ERC2: variants seen among roughly 807,000 people sequenced by gnomAD.
ERC2 encodes the protein ELKS/RAB6-interacting/CAST family member 2, also known as ERC protein 2.
ERC2 carries 42 observed loss-of-function variants against 114.8 expected under a neutral mutation model. The observed-to-expected ratio is 0.37, with a 90% CI of 0.29 to 0.47. ERC2 has a LOEUF of 0.47. Among genes scored for constraint, ERC2 ranks in the 20% least tolerant of loss-of-function variants. The pLI is 0.99. For missense variants in ERC2, 939 were observed against 1,150.7 expected (o/e 0.82, Z 2.66); for synonymous variants, 454 against 425.5 (o/e 1.07, Z -0.82).
intron 3 of ERC2, among the ~76,000 whole-genome samples, chr3:56,243,181 C>A (rs1484837928): frequency 1.3e-5 from 2 of 152,104 alleles, no homozygotes; most frequent in Non-Finnish European, 2.9e-5. Context: ...CTTTTACCAC[C>A]TAGCAGTAAT....
intron 6 of ERC2, among the ~76,000 whole-genome samples, chr3:56,136,421 CTTT>C (rs59098775): frequency 1.4e-4 from 21 of 145,796 alleles, no homozygotes; most frequent in Non-Finnish European, 2.4e-4. Context: ...AGCACCATAT[CTTT>C]TTTTTTTTTA....
intron 17 of ERC2, among the ~76,000 whole-genome samples, chr3:55,573,137 T>C (rs1385810586): frequency 6.6e-6 from 1 of 152,220 alleles, no homozygotes; most frequent in Non-Finnish European, 1.5e-5. Context: ...TTCTGGTATG[T>C]TATGGAATGA....
At chr3:55,547,079 A>ATTT (rs958251496) in intron 17 of ERC2, among the ~76,000 whole-genome samples, 35 of 152,354 alleles carry the variant, frequency 2.3e-4, no homozygotes, top group African/African-American at 8.4e-4. Context: ...GAATGGTAAT[A>ATTT]GCGTATCTCT....
chr3:55,696,321 C>A (rs1035540494), intron 16 of ERC2, among the ~76,000 whole-genome samples: 2 of 152,170 alleles, frequency 1.3e-5, no homozygotes, highest in Non-Finnish European at 2.9e-5. Flanking sequence ...CATTTTGTAG[C>A]CCTTCTTCCA....
At chr3:55,936,654 C>T (rs1444542855) in intron 13 of ERC2, among the ~76,000 whole-genome samples, 1 of 152,076 alleles carries the variant, frequency 6.6e-6, no homozygotes, top group African/African-American at 2.4e-5. Flanking sequence ...CAGCTTGTTC[C>T]AAGGGCAGGG....
intron 15 of ERC2, among the ~76,000 whole-genome samples, chr3:55,733,890 C>T (rs897374045): frequency 6.6e-6 from 1 of 152,284 alleles, no homozygotes; most frequent in Non-Finnish European, 1.5e-5. Flanking sequence ...ATGTGGTAGC[C>T]ACTCTGCAAG....
At chr3:55,705,209 G>A (rs181538084) in intron 15 of ERC2, among the ~76,000 whole-genome samples, 3 of 152,296 alleles carry the variant, frequency 2.0e-5, no homozygotes, top group Admixed American at 2.0e-4. Context: ...CCCTCCAGCT[G>A]AGGGCAGAGG....
chr3:56,416,407 C>A (rs533022567), intron 2 of ERC2, among the ~76,000 whole-genome samples: 1 of 152,072 alleles, frequency 6.6e-6, no homozygotes, highest in Non-Finnish European at 1.5e-5. Context: ...CTATGTCACA[C>A]AAAGAAGGCA....
chr3:56,151,802 G>T (rs1410494131), intron 4 of ERC2, among the ~76,000 whole-genome samples: 1 of 152,084 alleles, frequency 6.6e-6, no homozygotes, highest in African/African-American at 2.4e-5. Context: ...AATGCACATG[G>T]CTCAGAAACT....
intron 2 of ERC2, among the ~76,000 whole-genome samples, chr3:56,326,390 CT>C (rs1050339632): frequency 6.6e-6 from 1 of 152,092 alleles, no homozygotes. Context: ...CAAACCCCAG[CT>C]TTTTTTTCTC....
At chr3:56,252,521 G>A (rs972144991) in intron 3 of ERC2, among the ~76,000 whole-genome samples, 1 of 152,072 alleles carries the variant, frequency 6.6e-6, no homozygotes, top group African/African-American at 2.4e-5. Flanking sequence ...TTGGGAGGCC[G>A]AGGTGGGCAG....
chr3:55,848,879 G>T (rs932667057), intron 14 of ERC2, among the ~76,000 whole-genome samples: 1 of 152,176 alleles, frequency 6.6e-6, no homozygotes, highest in African/African-American at 2.4e-5. Flanking sequence ...TTCTAAGTGT[G>T]CCCACATCTT....
chr3:56,360,061 CT>C (rs5849149), intron 2 of ERC2, among the ~76,000 whole-genome samples: 756 of 99,126 alleles, frequency 7.6e-3, no homozygotes, highest in African/African-American at 0.027. Flanking sequence ...TAACAAAAAT[CT>C]TTTTTTTTTT....
At chr3:56,326,092 C>T (rs1352671357) in intron 2 of ERC2, among the ~76,000 whole-genome samples, 1 of 152,214 alleles carries the variant, frequency 6.6e-6, no homozygotes, top group African/African-American at 2.4e-5. Flanking sequence ...ACTCTCACCC[C>T]TGGCCTGGCT....
intron 14 of ERC2, among the ~76,000 whole-genome samples, chr3:55,862,960 C>T (rs984342198): frequency 2.0e-5 from 3 of 152,152 alleles, no homozygotes; most frequent in African/African-American, 4.8e-5. Context: ...CTAAGAAGCA[C>T]TGACAAGAGG....
At chr3:55,931,727 T>C (rs1435050723) in intron 13 of ERC2, among the ~76,000 whole-genome samples, 1 of 151,938 alleles carries the variant, frequency 6.6e-6, no homozygotes, top group Non-Finnish European at 1.5e-5. Context: ...GTTCTGCACA[T>C]GTATCCCAGA....
intron 15 of ERC2, among the ~76,000 whole-genome samples, chr3:55,709,921 T>C (rs1290768957): frequency 6.6e-6 from 1 of 152,172 alleles, no homozygotes; most frequent in Non-Finnish European, 1.5e-5. Context: ...TCTCCCCAGC[T>C]GGTCTCACGC....
At chr3:56,334,627 C>G (rs915544307) in intron 2 of ERC2, among the ~76,000 whole-genome samples, 8 of 152,054 alleles carry the variant, frequency 5.3e-5, no homozygotes, top group African/African-American at 1.9e-4. Flanking sequence ...TGCTTTGTTT[C>G]CAACAGACTA....
intron 6 of ERC2, among the ~76,000 whole-genome samples, chr3:56,122,531 C>T (rs1421544528): frequency 6.6e-6 from 1 of 152,008 alleles, no homozygotes; most frequent in Non-Finnish European, 1.5e-5. Context: ...CAAAGCCATC[C>T]GCAATTCCAA....
Sources: allele counts gnomAD v4.1 joint callset (sites outside exome capture counted in the v4.1 genomes callset), GRCh38; gene constraint gnomAD v4.1.1; transcripts MANE v1.5; gene names NCBI Gene and HGNC (gene_info 2026-07-23, HGNC 2026-07-21).